The following CPAMD8 variants were observed in gnomAD, a reference collection of about 807,000 sequenced individuals.
CPAMD8 encodes C3 and PZP-like alpha-2-macroglobulin domain-containing protein 8.
In CPAMD8, 146 loss-of-function variants were observed where a neutral mutation model predicts 224.7. That is an observed-to-expected ratio of 0.65 (90% CI 0.57 to 0.75). The LOEUF (loss-of-function observed/expected upper bound fraction) is 0.75, where lower values mean the gene tolerates loss of function less well. Among genes scored for constraint, CPAMD8 ranks in the 30% least tolerant of loss-of-function variants. CPAMD8 has a pLI of 0.00. For synonymous variants in CPAMD8, 966 were observed against 1,044.6 expected, an observed-to-expected ratio of 0.92 and a Z score of 1.45; for missense variants, 2,301 against 2,537.5, an observed-to-expected ratio of 0.91 and a Z score of 2.00.
In CPAMD8 at chr19:17,002,691, C is replaced by T. The variant is rs2056367073; in HGVS notation, c.674-341G>A. On this transcript the variant is annotated intron_variant, in intron 8 of 41. Coordinates refer to ENST00000443236, the MANE Select transcript of CPAMD8 (RefSeq NM_015692.5). ...TGTCTGTGCATGGGATAGAGGTGGC[C>T]CTGGGAGCCAACAAGGGGCATCCCC... Among the ~76,000 whole-genome samples, 3 of 151,984 alleles carry T rather than the reference C, an allele frequency of 2.0e-5. No individual in the cohort carries two copies. In the South Asian group the frequency reaches 6.2e-4, roughly 31 times the overall value.
intron 23 of CPAMD8, among the ~76,000 whole-genome samples, chr19:16,932,916 A>G (rs1164964892): frequency 6.6e-6 from 1 of 152,254 alleles, no homozygotes; most frequent in Non-Finnish European, 1.5e-5. Context: ...TCAAAAGACA[A>G]AAATATCATT....
At chr19:16,905,717 A>G (rs947562534) in intron 30 of CPAMD8, among the ~76,000 whole-genome samples, 1 of 152,216 alleles carries the variant, frequency 6.6e-6, no homozygotes, top group Middle Eastern at 3.4e-3. Context: ...TTCGGAAGCA[A>G]TGAAAACAAT....
At position 16,928,124 on chromosome 19, in the gene CPAMD8, A is replaced by G; in HGVS notation, c.3255T>C (p.Gly1085=). The change falls in exon 25 of 42, where the codon GGT becomes GGC. Residue 1085 remains glycine, a synonymous_variant. Coordinates refer to ENST00000443236, the MANE Select transcript of CPAMD8 (RefSeq NM_015692.5). ...CCATCTTCCTCCAGATTCGGAATTC[A>G]CCCATGGAGCCCCAGCCGGTGGAAA... ...IGFSTGWGSM[G]EFRIWRKMEV... The G allele has an allele frequency of 6.2e-7, 1 of 1,613,866 alleles. No homozygotes were observed.
chr19:17,018,390 C>T (rs543427117), intron 3 of CPAMD8, among the ~76,000 whole-genome samples: 1 of 152,190 alleles, frequency 6.6e-6, no homozygotes, highest in East Asian at 1.9e-4. Context: ...GAAATCTGAT[C>T]CCTAATGTAC....
Position 16,981,110 on chromosome 19 carries a change from TG to T in CPAMD8, c.1396-425del, listed in dbSNP as rs543467291. On this transcript the variant is annotated intron_variant, in intron 13 of 41. Transcript: ENST00000443236. The stretch of plus-strand genomic sequence containing the variant: ...GCTCACGCCTGTAATCCCAGCACTT[TG>T]GGGGGCTGAAGCGGACAGATCGCTC... Among the ~76,000 whole-genome samples the T allele has an allele frequency of 2.5e-3, 374 of 149,454 alleles. 17 individuals carry two copies. The Middle Eastern group carries it at 0.025, about 10-fold the overall frequency.
chr19:16,997,484 G>T (rs558586062), intron 10 of CPAMD8, 146 bp from the exon 11 acceptor site: 1 of 648,148 alleles, frequency 1.5e-6, no homozygotes, highest in East Asian at 2.7e-5. Flanking sequence ...TCTATGCCAC[G>T]GGACCATGCA....
chr19:16,926,952 C>T lies in CPAMD8; in HGVS notation c.3370+1057G>A, dbSNP rs150419021. 7.9e-5 allele frequency among the ~76,000 whole-genome samples: 12 copies of T among 152,290 alleles called. No individual in the cohort carries two copies. The East Asian group carries it at 1.9e-3, about 24-fold the overall frequency. On this transcript the variant is annotated intron_variant, in intron 25 of 41. Transcript: ENST00000443236. ...CTGCCTGAGTCCCAGGGCCTCCACC[C>T]TCTGATGTCAGAGAGAGCCTCGACA...
chr19:16,925,061 G>T, intron 26 of CPAMD8, 135 bp downstream of exon 26: 1 of 871,642 alleles, frequency 1.1e-6, no homozygotes, highest in Non-Finnish European at 1.8e-6. Flanking sequence ...GGGCCACCCT[G>T]AATGGCCTCT....
At position 16,906,467 on chromosome 19, in the gene CPAMD8, TATCTC is replaced by T. The variant is rs1210970033; in HGVS notation, c.4027+480_4027+484del. Among the ~76,000 whole-genome samples, 4 of 150,042 alleles carry T rather than the reference TATCTC, an allele frequency of 2.7e-5. No individual in the cohort carries two copies. The East Asian group carries it at 5.9e-4, about 22-fold the overall frequency. On this transcript the variant is annotated intron_variant, in intron 30 of 41. Coordinates refer to ENST00000443236, the MANE Select transcript of CPAMD8 (RefSeq NM_015692.5). ...TCTTTCTCTTTCTTTCTAATGGCATTATCTCAGCTCACTGCAACCTCTGCCTCCTG... is the reference window on the plus strand; with the variant it reads ...TCTTTCTCTTTCTTTCTAATGGCATTAGCTCACTGCAACCTCTGCCTCCTG...
intron 7 of CPAMD8, among the ~76,000 whole-genome samples, chr19:17,006,396 G>A (rs536681298): frequency 3.9e-5 from 6 of 152,094 alleles, no homozygotes; most frequent in African/African-American, 1.2e-4. Context: ...GGTGGCACGC[G>A]CCTGTGGTCC....
chr19:16,897,602 C>T, intron 39 of CPAMD8, 89 bp downstream of exon 39: 1 of 710,326 alleles, frequency 1.4e-6, no homozygotes, highest in South Asian at 1.9e-5. Context: ...CTCTGCCAAG[C>T]CCCCAGGGGA....
chr19:16,948,878 G>GAGGGA (rs1568515569), intron 20 of CPAMD8, among the ~76,000 whole-genome samples: 7 of 49,590 alleles, frequency 1.4e-4, no homozygotes, highest in African/African-American at 1.0e-3. Context: ...AAAGGGAAGG[G>GAGGGA]AAGGGAAGGG....
intron 23 of CPAMD8, among the ~76,000 whole-genome samples, chr19:16,933,912 T>C (rs2053614241): frequency 6.6e-6 from 1 of 152,120 alleles, no homozygotes; most frequent in Non-Finnish European, 1.5e-5. Context: ...TTTGAGATAC[T>C]CCCAAACTGG....
At chr19:17,000,860 G>A (rs1013015703) in intron 9 of CPAMD8, among the ~76,000 whole-genome samples, 3 of 152,186 alleles carry the variant, frequency 2.0e-5, no homozygotes, top group Admixed American at 6.5e-5. Context: ...GAGCCTAAGC[G>A]CCCTATTAAG....
At chr19:16,950,616 C>T (rs2054266666) in intron 20 of CPAMD8, among the ~76,000 whole-genome samples, 1 of 151,688 alleles carries the variant, frequency 6.6e-6, no homozygotes. Flanking sequence ...TATGGAGATG[C>T]CATCTCTACG....
chr19:16,922,326 T>A (rs755125861), intron 26 of CPAMD8, among the ~76,000 whole-genome samples: 12 of 149,798 alleles, frequency 8.0e-5, no homozygotes, highest in Non-Finnish European at 4.4e-5. Flanking sequence ...ACATCTGGGG[T>A]TCTTGAAACT....
intron 23 of CPAMD8, among the ~76,000 whole-genome samples, chr19:16,937,581 T>G (rs576668624): frequency 6.6e-6 from 1 of 152,092 alleles, no homozygotes; most frequent in African/African-American, 2.4e-5. Flanking sequence ...GTTCAAGAGA[T>G]TCTGCTGTCT....
intron 23 of CPAMD8, among the ~76,000 whole-genome samples, chr19:16,933,958 G>C (rs2053615944): frequency 6.6e-6 from 1 of 152,134 alleles, no homozygotes; most frequent in Admixed American, 6.6e-5. Flanking sequence ...ATGAATGGAT[G>C]AATACATTGT....
At chr19:16,990,291 G>A (rs2055894823) in intron 12 of CPAMD8, among the ~76,000 whole-genome samples, 1 of 151,814 alleles carries the variant, frequency 6.6e-6, no homozygotes, top group Admixed American at 6.6e-5. Flanking sequence ...TGGTCAAAGG[G>A]TATTGGGGGT....
Sources: gnomAD v4.1 joint callset for allele counts (sites outside exome capture counted in the v4.1 genomes callset) on GRCh38, gnomAD v4.1.1 for gene constraint, MANE v1.5 for transcripts, NCBI Gene and HGNC (gene_info 2026-07-23, HGNC 2026-07-21) for gene names.